Variants in VSTM4 observed in about 807,000 individuals in gnomAD.
VSTM4 encodes V-set and transmembrane domain containing 4.
In VSTM4, 20 loss-of-function variants were observed where a neutral mutation model predicts 36.4. That is an observed-to-expected ratio of 0.55 (90% CI 0.39 to 0.80). The LOEUF (loss-of-function observed/expected upper bound fraction) is 0.80. Among genes scored for constraint, VSTM4 ranks in the 30% least tolerant of loss-of-function variants. The probability of loss-of-function intolerance (pLI) is 0.00; values close to 1 mark genes in which losing one functional copy is unlikely to be tolerated. For synonymous variants in VSTM4, 182 were observed against 173.9 expected, an observed-to-expected ratio of 1.05 and a Z score of -0.37; for missense variants, 392 against 404.5, an observed-to-expected ratio of 0.97 and a Z score of 0.26.
intron 7 of VSTM4, among the ~76,000 whole-genome samples, chr10:49,034,290 A>G (rs1005739266): frequency 2.3e-4 from 35 of 152,124 alleles, no homozygotes; most frequent in Admixed American, 6.5e-4. Context: ...TCATCATCAC[A>G]GTAGTGTTAG....
intron 7 of VSTM4, among the ~76,000 whole-genome samples, chr10:49,022,166 T>TA (rs1008295906): frequency 1.3e-5 from 2 of 152,128 alleles, no homozygotes; most frequent in Non-Finnish European, 2.9e-5. Context: ...AACCCATAAT[T>TA]AAAAAAATAA....
At chr10:49,085,285 T>A (rs976860601) in intron 3 of VSTM4, among the ~76,000 whole-genome samples, 1 of 152,244 alleles carries the variant, frequency 6.6e-6, no homozygotes, top group Non-Finnish European at 1.5e-5. Context: ...GCTGCAATCA[T>A]CTGGGGAGCT....
chr10:49,074,863 C>T (rs957952151), intron 4 of VSTM4, among the ~76,000 whole-genome samples: 5 of 152,318 alleles, frequency 3.3e-5, no homozygotes, highest in South Asian at 2.1e-4. Flanking sequence ...GCCTATGTTG[C>T]TTCCACACTC....
chr10:49,053,036 T>C (rs1180556834), intron 5 of VSTM4, among the ~76,000 whole-genome samples: 1 of 152,212 alleles, frequency 6.6e-6, no homozygotes, highest in Non-Finnish European at 1.5e-5. Flanking sequence ...CACCTTATGA[T>C]TAACTTACAA....
In VSTM4 at chr10:49,115,451, A is replaced by G; in HGVS notation, c.35T>C (p.Leu12Pro). 9.6e-7 allele frequency: 1 copy of G among 1,041,772 alleles called. No individual in the cohort carries two copies. Among genetic ancestry groups the G allele is most frequent in the Non-Finnish European group, 1.2e-6 (1 of 861,440 alleles). 64.5% of individuals were successfully genotyped at this position (1,041,772 alleles called of 1,614,324 possible). A position where few individuals can be genotyped will look rare whatever the true frequency, so the allele number is the denominator to read the frequency against. The change falls in exon 1 of 8, where the codon CTG (leucine) becomes CCG (proline). Residue 12 changes from leucine (L) to proline (P), a missense_variant. By Grantham distance (98) the Leu-to-Pro change is moderately conservative (BLOSUM62 -3). Transcript: ENST00000332853. ...RLLALAAAAL[L>P]ARAPAPEVCA... ...CTTACCCGGAGCCGGAGCCCGCGCC[A>G]GCAGCGCGGCCGCCGCCAGTGCCAG... is the stretch of plus-strand genomic sequence containing the variant.
chr10:49,065,327 G>C (rs1163224688), intron 4 of VSTM4, among the ~76,000 whole-genome samples: 1 of 152,198 alleles, frequency 6.6e-6, no homozygotes, highest in Non-Finnish European at 1.5e-5. Context: ...TAGAGGTAAA[G>C]CTGAAACAAC....
chr10:49,046,745 G>A (rs536460246), intron 7 of VSTM4, among the ~76,000 whole-genome samples: 6 of 152,276 alleles, frequency 3.9e-5, no homozygotes, highest in South Asian at 2.1e-4. Flanking sequence ...CTTTTCTCCC[G>A]TTTGAAACAG....
At chr10:49,093,330 G>T (rs10218854) in intron 2 of VSTM4, among the ~76,000 whole-genome samples, 18,386 of 152,074 alleles carry the variant, frequency 0.12, 1,737 homozygotes, top group African/African-American at 0.26. Context: ...GGGCACCAAA[G>T]AAGCCAGCCA....
chr10:49,103,920 TG>T, intron 2 of VSTM4: 4 of 1,456,100 alleles, frequency 2.7e-6, no homozygotes, highest in Admixed American at 2.0e-5. Context: ...GGGCCTGGGG[TG>T]GGGGGCACTC....
intron 5 of VSTM4, among the ~76,000 whole-genome samples, chr10:49,061,005 T>C (rs1207412199): frequency 6.6e-6 from 1 of 152,212 alleles, no homozygotes; most frequent in Non-Finnish European, 1.5e-5. Context: ...GACTCTCAAT[T>C]ATGCTACATT....
chr10:49,084,913 G>A (rs1394821972), intron 3 of VSTM4, among the ~76,000 whole-genome samples: 3 of 152,232 alleles, frequency 2.0e-5, no homozygotes, highest in Admixed American at 6.5e-5. Context: ...ACTATCCTGT[G>A]TATTGTAGGA....
chr10:49,018,376 G>A lies in VSTM4; in HGVS notation c.*1274C>T, dbSNP rs1322732984. 1 of 152,100 alleles carries A rather than the reference G, an allele frequency of 6.6e-6. No homozygotes were observed. The allele number at this position is 152,100 out of a possible 1,614,324, so 9.4% of individuals were successfully genotyped here. A position where few individuals can be genotyped will look rare whatever the true frequency, so the allele number is the denominator to read the frequency against. ...GTCTTTACACAAACATGGAGTCTGA[G>A]GTCATTAGGGGATAAGAAATTTAGC... On this transcript the variant is annotated 3_prime_UTR_variant, in exon 8 of 8. Coordinates refer to ENST00000332853, the MANE Select transcript of VSTM4 (RefSeq NM_001031746.5).
chr10:49,079,971 A>G (rs1171398136), intron 3 of VSTM4, among the ~76,000 whole-genome samples: 1 of 152,186 alleles, frequency 6.6e-6, no homozygotes, highest in Non-Finnish European at 1.5e-5. Flanking sequence ...TTCAAAAATG[A>G]TTCAGAATCA....
intron 2 of VSTM4, among the ~76,000 whole-genome samples, chr10:49,101,626 A>C (rs1844667491): frequency 6.6e-6 from 1 of 152,254 alleles, no homozygotes; most frequent in Non-Finnish European, 1.5e-5. Flanking sequence ...CTTCAGGGAA[A>C]TATCATGCAA....
chr10:49,071,649 T>G (rs1308934874), intron 4 of VSTM4, among the ~76,000 whole-genome samples: 1 of 152,224 alleles, frequency 6.6e-6, no homozygotes, highest in East Asian at 1.9e-4. Context: ...GGATGGGCTG[T>G]GTTTATCTCA....
At chr10:49,037,986 T>C (rs775141126) in intron 7 of VSTM4, among the ~76,000 whole-genome samples, 1 of 150,052 alleles carries the variant, frequency 6.7e-6, no homozygotes, top group Non-Finnish European at 1.5e-5. Context: ...TATGAAGAAA[T>C]TGAAACCCTG....
At chr10:49,062,045 C>T (rs1324830207) in intron 5 of VSTM4, among the ~76,000 whole-genome samples, 6 of 152,186 alleles carry the variant, frequency 3.9e-5, no homozygotes, top group African/African-American at 1.4e-4. Flanking sequence ...TTGCTTTGGT[C>T]ATTACAATAC....
chr10:49,063,409 A>ATCTATTATCTC (rs1385864616), intron 5 of VSTM4, among the ~76,000 whole-genome samples: 1 of 151,890 alleles, frequency 6.6e-6, no homozygotes, highest in East Asian at 1.9e-4. Flanking sequence ...TGTTGATCTG[A>ATCTATTATCTC]TCTATTATCT....
chr10:49,047,488 C>T (rs960766161), intron 6 of VSTM4, among the ~76,000 whole-genome samples: 22 of 152,206 alleles, frequency 1.4e-4, no homozygotes, highest in South Asian at 4.1e-4. Context: ...GCCCTTCCCA[C>T]GGTGTCATGT....
Sources: gnomAD v4.1 joint callset for allele counts (sites outside exome capture counted in the v4.1 genomes callset) on GRCh38, gnomAD v4.1.1 for gene constraint, MANE v1.5 for transcripts, NCBI Gene and HGNC (gene_info 2026-07-23, HGNC 2026-07-21) for gene names.